Variants in WDR70 observed in about 807,000 individuals in gnomAD.
WDR70 encodes WD repeat-containing protein 70.
A neutral mutation model predicts 88.6 loss-of-function variants in WDR70; 53 were observed. The observed-to-expected ratio is 0.60, with a 90% CI of 0.48 to 0.75. The LOEUF is 0.75. Among genes scored for constraint, WDR70 ranks in the 30% least tolerant of loss-of-function variants. The pLI, the probability that WDR70 is intolerant of heterozygous loss-of-function variation, is 0.00. For missense variants in WDR70, 610 were observed against 823.2 expected (o/e 0.74, Z 3.17); for synonymous variants, 280 against 270.0 (o/e 1.04, Z -0.36).
chr5:37,533,179 T>C (rs2112310531), intron 9 of WDR70, among the ~76,000 whole-genome samples: 1 of 152,292 alleles, frequency 6.6e-6, no homozygotes, highest in Admixed American at 6.5e-5. Context: ...GGGAGTGAAG[T>C]GGACTCTGTG....
At chr5:37,490,104 A>T (rs1396676524) in intron 8 of WDR70, among the ~76,000 whole-genome samples, 2 of 152,058 alleles carry the variant, frequency 1.3e-5, no homozygotes, top group Non-Finnish European at 2.9e-5. Context: ...CCTTATGTGC[A>T]TGTGCCTGAG....
At chr5:37,660,686 T>A (rs12516955) in intron 10 of WDR70, among the ~76,000 whole-genome samples, 63,754 of 151,898 alleles carry the variant, frequency 0.42, 15,175 homozygotes, top group Non-Finnish European at 0.54. Context: ...TGATCTTCAG[T>A]AAGTTTTTTA....
At chr5:37,666,611 G>A (rs757810243) in intron 10 of WDR70, among the ~76,000 whole-genome samples, 5 of 152,168 alleles carry the variant, frequency 3.3e-5, no homozygotes, top group Non-Finnish European at 7.4e-5. Flanking sequence ...TTCAGATTCC[G>A]TTGGTGGTTG....
chr5:37,407,889 C>T (rs564186197), intron 5 of WDR70, among the ~76,000 whole-genome samples: 24 of 152,116 alleles, frequency 1.6e-4, no homozygotes, highest in African/African-American at 5.5e-4. Flanking sequence ...ACTTAGAAGC[C>T]TGTGGAATTG....
intron 7 of WDR70, among the ~76,000 whole-genome samples, chr5:37,465,716 G>T (rs1739132344): frequency 6.9e-6 from 1 of 145,078 alleles, no homozygotes; most frequent in Admixed American, 6.9e-5. Flanking sequence ...GGAATTAGAG[G>T]TGTAGAAAAT....
intron 5 of WDR70, among the ~76,000 whole-genome samples, chr5:37,401,195 G>C (rs1044960725): frequency 1.1e-5 from 1 of 95,004 alleles, no homozygotes; most frequent in African/African-American, 3.5e-5. Flanking sequence ...TTTTTTAGTA[G>C]AGATGAGGTC....
At chr5:37,528,173 T>C (rs980214433) in intron 9 of WDR70, among the ~76,000 whole-genome samples, 4 of 152,196 alleles carry the variant, frequency 2.6e-5, no homozygotes, top group African/African-American at 9.7e-5. Flanking sequence ...TAAAGACACA[T>C]GCACATGTAT....
At chr5:37,481,638 T>C (rs755950779) in intron 8 of WDR70, among the ~76,000 whole-genome samples, 3 of 152,120 alleles carry the variant, frequency 2.0e-5, no homozygotes, top group Non-Finnish European at 4.4e-5. Flanking sequence ...AGGCCTGTGA[T>C]GGGAGGGTCT....
chr5:37,380,900 G>A (rs1187054736), intron 2 of WDR70, among the ~76,000 whole-genome samples: 1 of 152,130 alleles, frequency 6.6e-6, no homozygotes, highest in Non-Finnish European at 1.5e-5. Flanking sequence ...GCCCACCTGA[G>A]CCTCTCAAAG....
Position 37,746,279 on chromosome 5 carries a change from A to G in WDR70, c.1878-6207A>G, listed in dbSNP as rs148273656. On this transcript the variant is annotated intron_variant, in intron 17 of 17. Coordinates refer to ENST00000265107, the MANE Select transcript of WDR70 (RefSeq NM_018034.4). ...ATTTCTGAGATATAGCTAAAGCAGT[A>G]TTAAGAGGGAAATTTCTAGCACTAA... 4.5e-4 allele frequency among the ~76,000 whole-genome samples: 69 copies of G among 152,288 alleles called. 1 individual carries two copies. The highest frequency in any genetic ancestry group is 2.1e-3 in the Admixed American group (32 of 15,292).
chr5:37,741,658 C>T (rs1329939634), intron 17 of WDR70, among the ~76,000 whole-genome samples: 1 of 152,184 alleles, frequency 6.6e-6, no homozygotes, highest in Non-Finnish European at 1.5e-5. Context: ...GGTGGTAATG[C>T]TCACTCGCCC....
chr5:37,474,632 C>T (rs1739423121), intron 7 of WDR70, among the ~76,000 whole-genome samples: 1 of 152,048 alleles, frequency 6.6e-6, no homozygotes, highest in African/African-American at 2.4e-5. Flanking sequence ...CATAGGTAAA[C>T]GTGTGCCATA....
At position 37,401,337 on chromosome 5, in the gene WDR70, A is replaced by G. The variant is rs187286817; in HGVS notation, c.492+4767A>G. On this transcript the variant is annotated intron_variant, in intron 5 of 17. Coordinates refer to ENST00000265107, the MANE Select transcript of WDR70 (RefSeq NM_018034.4). ...ATTAATTTTTTTTTTTTTTTTTGAG[A>G]CGGAGTCTTGCTCTATTGCCCAGGC... 7.2e-3 allele frequency among the ~76,000 whole-genome samples: 984 copies of G among 136,916 alleles called. 8 individuals carry two copies. Among genetic ancestry groups the G allele is most frequent in the South Asian group, 0.029 (127 of 4,310 alleles). 89.8% of individuals were successfully genotyped at this position (136,916 alleles called of 152,430 possible).
chr5:37,609,320 A>G (rs1458244968), intron 10 of WDR70, among the ~76,000 whole-genome samples: 2 of 152,208 alleles, frequency 1.3e-5, no homozygotes, highest in African/African-American at 4.8e-5. Flanking sequence ...TTCAGCATGT[A>G]TAGTCTTATG....
At chr5:37,626,784 TTC>T (rs1189287593) in intron 10 of WDR70, among the ~76,000 whole-genome samples, 1 of 152,150 alleles carries the variant, frequency 6.6e-6, no homozygotes, top group Non-Finnish European at 1.5e-5. Context: ...TTACTACTGA[TTC>T]TCTCTCATGA....
In WDR70 at chr5:37,462,750, A is replaced by G. The variant is rs183115392; in HGVS notation, c.687-17084A>G. Among the ~76,000 whole-genome samples, 1,325 of 152,148 alleles carry G rather than the reference A, an allele frequency of 8.7e-3. 24 individuals carry two copies. Among genetic ancestry groups the G allele is most frequent in the African/African-American group, 0.03 (1,255 of 41,490 alleles). On this transcript the variant is annotated intron_variant, in intron 7 of 17. Coordinates refer to ENST00000265107, the MANE Select transcript of WDR70 (RefSeq NM_018034.4). ...CTCAAATAATCTTAGCATTGGAAAT[A>G]AAGTAGTAATAATAATAATTACTTG...
At chr5:37,688,587 A>C (rs767142878) in intron 10 of WDR70, among the ~76,000 whole-genome samples, 13 of 151,962 alleles carry the variant, frequency 8.6e-5, no homozygotes, top group African/African-American at 2.7e-4. Flanking sequence ...ACTTGATGGG[A>C]TATAAGGAAG....
At chr5:37,444,172 A>AT (rs1441354748) in intron 7 of WDR70, among the ~76,000 whole-genome samples, 1 of 151,830 alleles carries the variant, frequency 6.6e-6, no homozygotes, top group Non-Finnish European at 1.5e-5. Flanking sequence ...TAAAAAAAAA[A>AT]CAAAACTTTG....
chr5:37,677,920 A>G (rs1746288193), intron 10 of WDR70, among the ~76,000 whole-genome samples: 2 of 152,178 alleles, frequency 1.3e-5, no homozygotes, highest in African/African-American at 4.8e-5. Context: ...GTGCTCCTGT[A>G]TTGGGTGCAT....
Sources: gnomAD v4.1 joint callset for allele counts (sites outside exome capture counted in the v4.1 genomes callset) on GRCh38, gnomAD v4.1.1 for gene constraint, MANE v1.5 for transcripts, NCBI Gene and HGNC (gene_info 2026-07-23, HGNC 2026-07-21) for gene names.